Variants in KIAA1614 observed in about 807,000 individuals in gnomAD.
KIAA1614 encodes KIAA1614.
In KIAA1614, 76 loss-of-function variants were observed where a neutral mutation model predicts 88.7. The observed-to-expected ratio is 0.86, with a 90% CI of 0.71 to 1.04. The LOEUF (loss-of-function observed/expected upper bound fraction) is 1.04. KIAA1614 is among the 50% of genes least tolerant of loss of function. The probability of loss-of-function intolerance (pLI) is 0.00; values close to 1 mark genes in which losing one functional copy is unlikely to be tolerated. For synonymous variants in KIAA1614, 714 were observed against 675.5 expected (o/e 1.06, Z -0.88); for missense variants, 1,553 against 1,582.5 (o/e 0.98, Z 0.32).
In KIAA1614 at chr1:180,916,773, C is replaced by A; in HGVS notation, c.670C>A (p.Pro224Thr). Reference protein sequence around the residue: ...HGVTPGRPGGPGHCNKIIHIP... With the variant: ...HGVTPGRPGGTGHCNKIIHIP... ...AGTTACTCCCGGACGGCCTGGGGGTCCTGGTCATTGTAACAAAATCATCCA... is the reference window on the plus strand; with the variant it reads ...AGTTACTCCCGGACGGCCTGGGGGTACTGGTCATTGTAACAAAATCATCCA... The change falls in exon 2 of 9, where the codon CCT becomes ACT. Residue 224 changes from proline to threonine, a missense_variant. Pro to Thr is a conservative substitution (Grantham distance 38, BLOSUM62 -1). Coordinates refer to ENST00000367588, the MANE Select transcript of KIAA1614 (RefSeq NM_020950.2). 6.2e-7 allele frequency: 1 copy of A among 1,614,212 alleles called. No individual in the cohort carries two copies. The highest frequency in any genetic ancestry group is 8.5e-7 in the Non-Finnish European group (1 of 1,180,030).
chr1:180,922,106 T>C (rs966692303), intron 3 of KIAA1614, among the ~76,000 whole-genome samples: 1 of 152,230 alleles, frequency 6.6e-6, no homozygotes, highest in Admixed American at 6.5e-5. Context: ...GCCGTCTCCA[T>C]AGAGGCGGTG....
chr1:180,917,804 C>G, intron 2 of KIAA1614, 47 bp from the exon 3 acceptor site: 3 of 1,511,300 alleles, frequency 2.0e-6, no homozygotes, highest in Non-Finnish European at 1.8e-6. Context: ...AGCTGAGAGC[C>G]CTGTTTCTGG....
intron 3 of KIAA1614, chr1:180,928,229 G>T (rs971673733): frequency 1.7e-6 from 1 of 578,602 alleles, no homozygotes; most frequent in South Asian, 3.1e-5. Flanking sequence ...CCAGAGCCAC[G>T]CAGGGCCATT....
rs767611099 is a variant in KIAA1614, at chr1:180,936,412, G to GACC, written c.2505_2507dup (p.Asp835_Gln836insHis). 2.8e-5 allele frequency: 45 copies of GACC among 1,614,220 alleles called. No individual in the cohort carries two copies. The African/African-American group carries it at 5.2e-4, about 19-fold the overall frequency. The stretch of plus-strand genomic sequence containing the variant: ...CCTGGCTGGACTGCTCAGGCTGGGT[G>GACC]ACCAGACAGAGCCTGTGGGTATCCC... On this transcript the variant is annotated inframe_insertion, in exon 5 of 9. Coordinates refer to ENST00000367588, the MANE Select transcript of KIAA1614 (RefSeq NM_020950.2).
At position 180,913,268 on chromosome 1, in the gene KIAA1614, G is replaced by A. The variant is rs1653700636; in HGVS notation, c.25G>A (p.Ala9Thr). The A allele has an allele frequency of 2.4e-6, 3 of 1,259,360 alleles. No homozygotes were observed. Among genetic ancestry groups the A allele is most frequent in the African/African-American group, 3.1e-5 (2 of 64,374 alleles). The allele number at this position is 1,259,360 out of a possible 1,614,324, so 78.0% of individuals were successfully genotyped here. Reference protein sequence around the residue: MEGTEAAAAKPAGGSPQGP... With the variant: MEGTEAAATKPAGGSPQGP... ...GATGGAGGGGACAGAGGCGGCGGCG[G>A]CCAAACCCGCGGGCGGCAGCCCCCA... Residue 9 changes from alanine to threonine, a missense_variant, in exon 1 of 9, where the codon GCC (alanine) becomes ACC (threonine). Ala to Thr is a moderately conservative substitution (Grantham distance 58). Coordinates refer to ENST00000367588, the MANE Select transcript of KIAA1614 (RefSeq NM_020950.2).
rs374325664 is a variant in KIAA1614, at chr1:180,922,300, GTTGT to G, written c.1061+4389_1061+4392del. Among the ~76,000 whole-genome samples, 542 of 152,338 alleles carry G rather than the reference GTTGT, an allele frequency of 3.6e-3. 2 individuals are homozygous for G. Among genetic ancestry groups the G allele is most frequent in the Non-Finnish European group, 5.3e-3 (362 of 68,026 alleles). ...GAGGGAAGCGCAGGGAACATCCTAG[GTTGT>G]TTATTTTCCCCTCATCGCTGTGATG... On this transcript the variant is annotated intron_variant, in intron 3 of 8. Transcript: ENST00000367588.
At chr1:180,927,389 A>T (rs911199811) in intron 3 of KIAA1614, among the ~76,000 whole-genome samples, 1 of 152,240 alleles carries the variant, frequency 6.6e-6, no homozygotes, top group Non-Finnish European at 1.5e-5. Context: ...AGGAGAGGAC[A>T]GAGGGTGCGG....
intron 1 of KIAA1614, among the ~76,000 whole-genome samples, chr1:180,915,724 C>T (rs778355755): frequency 1.3e-5 from 2 of 152,176 alleles, no homozygotes; most frequent in Admixed American, 6.5e-5. Flanking sequence ...AGGAACCAGG[C>T]CGCACAGCAG....
intron 3 of KIAA1614, among the ~76,000 whole-genome samples, chr1:180,927,077 C>A (rs1654085606): frequency 5.9e-5 from 9 of 152,130 alleles, no homozygotes. Context: ...TCATAGTCTG[C>A]CCAGAGTTTG....
In KIAA1614 at chr1:180,929,348, C is replaced by T. The variant is rs147480144; in HGVS notation, c.1205+775C>T. On this transcript the variant is annotated intron_variant, in intron 4 of 8. Coordinates refer to ENST00000367588, the MANE Select transcript of KIAA1614 (RefSeq NM_020950.2). ...CTGGAATGAGCCCAGGGTTCTGACT[C>T]GGTGTCTGTGTGTTTGGTGGGGCCT... is the stretch of plus-strand genomic sequence containing the variant. 3.9e-3 allele frequency among the ~76,000 whole-genome samples: 591 copies of T among 152,180 alleles called. 7 individuals carry two copies. Among genetic ancestry groups the T allele is most frequent in the South Asian group, 0.018 (87 of 4,810 alleles).
chr1:180,923,559 C>T (rs1653999116), intron 3 of KIAA1614, among the ~76,000 whole-genome samples: 2 of 152,220 alleles, frequency 1.3e-5, no homozygotes, highest in Non-Finnish European at 2.9e-5. Flanking sequence ...TTGTGCCCTG[C>T]ACCGGCTGCA....
intron 1 of KIAA1614, among the ~76,000 whole-genome samples, chr1:180,915,232 A>G (rs1353880155): frequency 6.6e-6 from 1 of 152,138 alleles, no homozygotes; most frequent in African/African-American, 2.4e-5. Context: ...TTTGAGCTCA[A>G]CCCCATGCTG....
At position 180,941,069 on chromosome 1, in the gene KIAA1614, A is replaced by C; in HGVS notation, c.2943A>C (p.Gly981=). ...LSRASAGAGT[G]PGSPSAAPLD... ...GAGCATCAGCAGGAGCTGGCACAGG[A>C]CCCGGCTCCCCCTCGGCTGCCCCTT... Residue 981 remains glycine (G), a synonymous_variant, in exon 7 of 9, where the codon GGA becomes GGC. Coordinates refer to ENST00000367588, the MANE Select transcript of KIAA1614 (RefSeq NM_020950.2). 1 of 1,392,822 alleles carries C rather than the reference A, an allele frequency of 7.2e-7. No homozygotes were observed. The highest frequency in any genetic ancestry group is 9.6e-7 in the Non-Finnish European group (1 of 1,044,760). 86.3% of individuals were successfully genotyped at this position (1,392,822 alleles called of 1,614,324 possible). A position where few individuals can be genotyped will look rare whatever the true frequency, so the allele number is the denominator to read the frequency against.
Position 180,935,884 on chromosome 1 carries a change from T to A in KIAA1614, c.1975T>A (p.Trp659Arg). The A allele has an allele frequency of 6.2e-7, 1 of 1,613,802 alleles. No homozygotes were observed. The stretch of plus-strand genomic sequence containing the variant: ...GGGCTCCAGGCCTCGAGGCCACAGG[T>A]GGTCCAAGAAGGCTGAGGCGGAGCT... ...LRGSRPRGHR[W>R]SKKAEAELPW... Residue 659 changes from tryptophan (W) to arginine (R), a missense_variant, in exon 5 of 9, where the codon TGG becomes AGG. Transcript: ENST00000367588. This position sits in a 1 kb window ranked among gnomAD's most constrained non-coding sequence, Gnocchi z 6.1.
At position 180,941,205 on chromosome 1, in the gene KIAA1614, T is replaced by C; in HGVS notation, c.3079T>C (p.Tyr1027His). The change falls in exon 7 of 9, where the codon TAC becomes CAC. Residue 1027 changes from tyrosine to histidine, a missense_variant. Coordinates refer to ENST00000367588, the MANE Select transcript of KIAA1614 (RefSeq NM_020950.2). Reference protein sequence around the residue: ...SRPKLGKSRSYSVEQLQPAPP... With the variant: ...SRPKLGKSRSHSVEQLQPAPP... Reference sequence around the variant, plus strand: ...GCCCAAGCTGGGCAAGTCCCGCAGCTACAGTGTGGAGCAGTTGCAGCCCGC... The same window carrying C: ...GCCCAAGCTGGGCAAGTCCCGCAGCCACAGTGTGGAGCAGTTGCAGCCCGC... 1.2e-6 allele frequency: 2 copies of C among 1,613,860 alleles called. No homozygotes were observed. The highest frequency in any genetic ancestry group is 8.5e-7 in the Non-Finnish European group (1 of 1,179,976).
intron 1 of KIAA1614, among the ~76,000 whole-genome samples, chr1:180,914,528 A>G (rs1653735050): frequency 6.6e-6 from 1 of 152,032 alleles, no homozygotes; most frequent in Non-Finnish European, 1.5e-5. Context: ...AGAAGTATAT[A>G]ATAAAGCCAT....
chr1:180,913,088 C>A lies in KIAA1614; in HGVS notation c.-156C>A. ...GAGCCGGGAGCTGGCCCGGCCTCGG[C>A]GCCGTCCCGGACCCCCAGTCGGCCG... On this transcript the variant is annotated 5_prime_UTR_variant, in exon 1 of 9. Coordinates refer to ENST00000367588, the MANE Select transcript of KIAA1614 (RefSeq NM_020950.2). The A allele has an allele frequency of 2.3e-6, 1 of 438,338 alleles. No homozygotes were observed. Among genetic ancestry groups the A allele is most frequent in the Non-Finnish European group, 3.7e-6 (1 of 273,734 alleles). The allele number at this position is 438,338 out of a possible 1,614,324, so 27.2% of individuals were successfully genotyped here.
intron 4 of KIAA1614, among the ~76,000 whole-genome samples, chr1:180,932,244 C>T (rs1279836532): frequency 1.3e-5 from 2 of 152,076 alleles, no homozygotes; most frequent in African/African-American, 2.4e-5. Flanking sequence ...GATCCTGCAC[C>T]GTCTTCAGCA....
rs1654676760 is a variant in KIAA1614, at chr1:180,949,305, C to G, written c.*3717C>G. On this transcript the variant is annotated 3_prime_UTR_variant, in exon 9 of 9. Coordinates refer to ENST00000367588, the MANE Select transcript of KIAA1614 (RefSeq NM_020950.2). ...CCCGCAGTCCCTCCAGCAAACTCAG[C>G]TTGTGTCTCAGCCCCTGTGTCCACC... is the stretch of plus-strand genomic sequence containing the variant. The G allele has an allele frequency of 6.6e-6, 1 of 152,444 alleles. No individual in the cohort carries two copies. 9.4% of individuals were successfully genotyped at this position (152,444 alleles called of 1,614,324 possible).
Sources: gnomAD v4.1 joint callset for allele counts (sites outside exome capture counted in the v4.1 genomes callset) on GRCh38, gnomAD v4.1.1 for gene constraint, Gnocchi (gnomAD v3.1) non-coding constraint, MANE v1.5 for transcripts, NCBI Gene and HGNC (gene_info 2026-07-23, HGNC 2026-07-21) for gene names.